Variants in PLCXD1 observed in about 807,000 individuals in gnomAD.
PLCXD1 encodes PI-PLC X domain-containing protein 1.
A neutral mutation model predicts 37.8 loss-of-function variants in PLCXD1; 45 were observed. The ratio of observed to expected loss-of-function variants is 1.19; its 90% CI spans 0.94 to 1.53. PLCXD1 has a LOEUF of 1.53. Ranked by LOEUF, PLCXD1 falls within the 40% of genes most tolerant of loss-of-function variation. The pLI, the probability that PLCXD1 is intolerant of heterozygous loss-of-function variation, is 0.00. For synonymous variants in PLCXD1, 246 were observed against 206.9 expected, an observed-to-expected ratio of 1.19 and a Z score of -1.62; for missense variants, 539 against 454.7, an observed-to-expected ratio of 1.19 and a Z score of -1.69.
At chrX:277,440 T>G (rs371721819), upstream of PLCXD1, among the ~76,000 whole-genome samples, 6 of 3,142 alleles carry the variant, frequency 1.9e-3, no homozygotes, top group African/African-American at 4.2e-3. Context: ...GGGACAGGAG[T>G]GGACACCCCT....
intron 5 of PLCXD1, among the ~76,000 whole-genome samples, chrX:292,212 T>C (rs1470587165): frequency 2.6e-5 from 4 of 151,692 alleles, no homozygotes; most frequent in African/African-American, 4.8e-5. Context: ...TCCCAGGACT[T>C]TGGGAGGCCG....
Position 293,082 on chromosome X carries a change from C to A in PLCXD1, c.597C>A (p.Ile199=), listed in dbSNP as rs199743296. ...RQLWSRGQQV[I]VSYEDESSLR... ...TGTGGTCCCGGGGCCAACAGGTCAT[C>A]GTCTCCTATGAAGACGAGAGCTCCT... Residue 199 remains isoleucine, a synonymous_variant, in exon 6 of 7, where the codon ATC becomes ATA. Coordinates refer to ENST00000381657, the MANE Select transcript of PLCXD1 (RefSeq NM_018390.4). 6.2e-7 allele frequency: 1 copy of A among 1,611,694 alleles called. No individual in the cohort carries two copies.
At chrX:283,786 G>C (rs1372818332) in intron 1 of PLCXD1, 1 of 177,536 alleles carries the variant, frequency 5.6e-6, no homozygotes, top group South Asian at 1.0e-4. Flanking sequence ...GCCAAGCCGG[G>C]TCTAAGAGCC....
chrX:283,783 C>T (rs28378478), intron 1 of PLCXD1: 1,955 of 173,046 alleles, frequency 0.011, 43 homozygotes, highest in African/African-American at 0.044. Context: ...GTTGCCAAGC[C>T]GGGTCTAAGA....
intron 6 of PLCXD1, among the ~76,000 whole-genome samples, chrX:296,356 C>T (rs1176052630): frequency 2.6e-5 from 4 of 151,228 alleles, no homozygotes; most frequent in Non-Finnish European, 5.9e-5. Context: ...AACTCCTGAC[C>T]TCATGATCCA....
chrX:281,739 G>T (rs912064142), intron 1 of PLCXD1, 55 bp downstream of exon 1: 2 of 152,200 alleles, frequency 1.3e-5, no homozygotes, highest in African/African-American at 4.8e-5. Flanking sequence ...GGAGGCCGGG[G>T]CTTCTTCCCT....
At chrX:284,806 TCA>T (rs1222016424) in intron 2 of PLCXD1, among the ~76,000 whole-genome samples, 1 of 152,134 alleles carries the variant, frequency 6.6e-6, no homozygotes, top group Non-Finnish European at 1.5e-5. Context: ...GGCCTCACAA[TCA>T]CGGCAGAAGG....
Position 294,481 on chromosome X carries a change from C to CAA in PLCXD1, c.733+1278_733+1279dup, listed in dbSNP as rs962052329. ...TGGGCGACAGAGTGGAACTCTGTCTCAAAAAAAAAAAAAAAATAGGCACCT... is the reference window on the plus strand; with the variant it reads ...TGGGCGACAGAGTGGAACTCTGTCTCAAAAAAAAAAAAAAAAAATAGGCACCT... On this transcript the variant is annotated intron_variant, in intron 6 of 6. Transcript: ENST00000381657. Among the ~76,000 whole-genome samples the CAA allele has an allele frequency of 4.2e-3, 392 of 93,770 alleles. 2 individuals carry two copies. The highest frequency in any genetic ancestry group is 0.013 in the Middle Eastern group (2 of 156). 61.5% of individuals were successfully genotyped at this position (93,770 alleles called of 152,430 possible).
Position 302,953 on chromosome X carries a change from T to G in PLCXD1, c.*3618T>G, listed in dbSNP as rs1264019638. On this transcript the variant is annotated 3_prime_UTR_variant, in exon 7 of 7. Transcript: ENST00000381657. ...CAGCCAATGGATGCCAGCACCATTT[T>G]TACTCCCCTTTCCCAAGCAAATCGT... 1 of 152,172 alleles carries G rather than the reference T, an allele frequency of 6.6e-6. No homozygotes were observed. Among genetic ancestry groups the G allele is most frequent in the African/African-American group, 2.4e-5 (1 of 41,430 alleles). The allele number at this position is 152,172 out of a possible 1,614,324, so 9.4% of individuals were successfully genotyped here.
At chrX:290,574 C>A in intron 3 of PLCXD1, 74 bp from the exon 4 acceptor site, 2 of 1,555,526 alleles carry the variant, frequency 1.3e-6, no homozygotes, top group Admixed American at 1.7e-5. Context: ...GGTGGGCCAA[C>A]CCCACAGCCC....
At chrX:279,032 G>C (rs1386323382), upstream of PLCXD1, among the ~76,000 whole-genome samples, 1 of 152,130 alleles carries the variant, frequency 6.6e-6, no homozygotes, top group Admixed American at 6.6e-5. Flanking sequence ...ATGGGGGAGG[G>C]GTGGCTCAAT....
At chrX:286,581 A>G (rs2069457223) in intron 2 of PLCXD1, among the ~76,000 whole-genome samples, 1 of 152,146 alleles carries the variant, frequency 6.6e-6, no homozygotes, top group South Asian at 2.1e-4. Context: ...TTAAAGGCTT[A>G]CAACTCTGAG....
At chrX:286,749 T>G (rs1285135234) in intron 2 of PLCXD1, among the ~76,000 whole-genome samples, 1 of 152,164 alleles carries the variant, frequency 6.6e-6, no homozygotes, top group Non-Finnish European at 1.5e-5. Context: ...TGGATTGATA[T>G]TATTTTAACT....
At chrX:284,335 G>A (rs201776940) in intron 2 of PLCXD1, 21 bp downstream of exon 2, 2 of 1,612,180 alleles carry the variant, frequency 1.2e-6, no homozygotes, top group South Asian at 1.1e-5. Context: ...GGTGGGGCAG[G>A]GGCCGTTGCC....
intron 6 of PLCXD1, among the ~76,000 whole-genome samples, chrX:293,907 C>G (rs780268255): frequency 1.3e-5 from 2 of 152,324 alleles, no homozygotes; most frequent in South Asian, 2.1e-4. Flanking sequence ...GAAACAGGGT[C>G]TCTCCTTTTA....
chrX:298,839 C>T (rs1212940495), intron 6 of PLCXD1, among the ~76,000 whole-genome samples: 1 of 150,892 alleles, frequency 6.6e-6, no homozygotes, highest in African/African-American at 2.4e-5. Context: ...ATTATTCTGT[C>T]TATCACATGG....
chrX:294,266 A>C (rs1030775149), intron 6 of PLCXD1, among the ~76,000 whole-genome samples: 1 of 151,922 alleles, frequency 6.6e-6, no homozygotes, highest in Non-Finnish European at 1.5e-5. Flanking sequence ...GCGGATCATG[A>C]GGTCAGGAGA....
intron 1 of PLCXD1, chrX:283,463 C>G (rs1430914507): frequency 5.9e-5 from 9 of 152,058 alleles, no homozygotes; most frequent in African/African-American, 2.2e-4. Flanking sequence ...CCTGGCCCGC[C>G]CACCCCAGTT....
intron 5 of PLCXD1, among the ~76,000 whole-genome samples, chrX:292,812 C>T (rs1442112235): frequency 6.6e-6 from 1 of 151,984 alleles, no homozygotes; most frequent in Non-Finnish European, 1.5e-5. Flanking sequence ...GGGGTTTCAC[C>T]ATGTTGCCCG....
Sources: gnomAD v4.1 joint callset for allele counts (sites outside exome capture counted in the v4.1 genomes callset) on GRCh38, gnomAD v4.1.1 for gene constraint, MANE v1.5 for transcripts, NCBI Gene and HGNC (gene_info 2026-07-23, HGNC 2026-07-21) for gene names.